Variants in CAMK2D observed in about 807,000 individuals in gnomAD.
CAMK2D encodes calcium/calmodulin-dependent protein kinase type II subunit delta.
In CAMK2D, 37 loss-of-function variants were observed where a neutral mutation model predicts 84.0. The observed-to-expected ratio is 0.44, with a 90% CI of 0.34 to 0.58. The LOEUF (loss-of-function observed/expected upper bound fraction) is 0.58. Among genes scored for constraint, CAMK2D ranks in the 20% least tolerant of loss-of-function variants. CAMK2D has a pLI of 0.02. For missense variants in CAMK2D, 448 were observed against 652.5 expected (o/e 0.69, Z 3.41); for synonymous variants, 202 against 212.5 (o/e 0.95, Z 0.43).
At chr4:113,646,374 A>G (rs145110225) in intron 3 of CAMK2D, among the ~76,000 whole-genome samples, 68 of 152,364 alleles carry the variant, frequency 4.5e-4, no homozygotes, top group African/African-American at 1.6e-3. Context: ...TTTACATACT[A>G]CTGGGTAGAA....
intron 3 of CAMK2D, among the ~76,000 whole-genome samples, chr4:113,623,394 A>T (rs1376536614): frequency 6.6e-6 from 1 of 152,102 alleles, no homozygotes; most frequent in African/African-American, 2.4e-5. Context: ...ACACACACAC[A>T]CACACACACC....
chr4:113,543,425 T>A (rs1411732842), intron 6 of CAMK2D, among the ~76,000 whole-genome samples: 1 of 151,426 alleles, frequency 6.6e-6, no homozygotes, highest in East Asian at 1.9e-4. Context: ...CTTGCTATGT[T>A]GCGCAGGCTG....
At chr4:113,662,289 T>C (rs2099236956) in intron 2 of CAMK2D, among the ~76,000 whole-genome samples, 1 of 152,214 alleles carries the variant, frequency 6.6e-6, no homozygotes, top group African/African-American at 2.4e-5. Context: ...CTCTTCCTAA[T>C]ATCAAAGATT....
At chr4:113,754,433 T>C (rs943436119) in intron 2 of CAMK2D, 15 of 948,040 alleles carry the variant, frequency 1.6e-5, no homozygotes, top group South Asian at 9.8e-5. Flanking sequence ...TCGTGATTAT[T>C]ACCATTAAAA....
chr4:113,491,461 A>T lies in CAMK2D; in HGVS notation c.1135+9002T>A, dbSNP rs1024751041. On this transcript the variant is annotated intron_variant, in intron 16 of 20. Transcript: ENST00000511664. ...GGATTACATTTATTGATTTGCGTAT[A>T]TTGAACCAGCCTTGCATCCCAGGGA... Among the ~76,000 whole-genome samples the T allele has an allele frequency of 3.7e-3, 567 of 151,364 alleles. 4 individuals are homozygous for T. The highest frequency in any genetic ancestry group is 0.013 in the African/African-American group (528 of 41,150).
At position 113,737,364 on chromosome 4, in the gene CAMK2D, T is replaced by C. The variant is rs2099583596; in HGVS notation, c.160+21956A>G. Among the ~76,000 whole-genome samples, 5 of 152,052 alleles carry C rather than the reference T, an allele frequency of 3.3e-5. No homozygotes were observed. The South Asian group carries it at 1.0e-3, about 32-fold the overall frequency. ...ACAATATGAAAAAACCTTGAAGATA[T>C]GCAAAGTAAAACAAGTCAGACAGAA... is the stretch of plus-strand genomic sequence containing the variant. On this transcript the variant is annotated intron_variant, in intron 2 of 20. Transcript: ENST00000511664.
At chr4:113,725,002 TA>T (rs2099541722) in intron 2 of CAMK2D, among the ~76,000 whole-genome samples, 2 of 152,052 alleles carry the variant, frequency 1.3e-5, no homozygotes. Flanking sequence ...CGCATTTAGC[TA>T]TAAAGATCGT....
chr4:113,675,085 A>C (rs935741317), intron 2 of CAMK2D, among the ~76,000 whole-genome samples: 1 of 152,176 alleles, frequency 6.6e-6, no homozygotes, highest in African/African-American at 2.4e-5. Flanking sequence ...TAGAAAAAGA[A>C]ACTCTTCTTT....
intron 2 of CAMK2D, among the ~76,000 whole-genome samples, chr4:113,749,370 G>A (rs969473543): frequency 2.1e-5 from 3 of 140,626 alleles, no homozygotes; most frequent in Non-Finnish European, 4.5e-5. Context: ...TTCCAATACA[G>A]AAACAAGTAC....
At chr4:113,698,779 A>G (rs2099410230) in intron 2 of CAMK2D, among the ~76,000 whole-genome samples, 1 of 152,112 alleles carries the variant, frequency 6.6e-6, no homozygotes, top group Non-Finnish European at 1.5e-5. Context: ...AACAGTTTAC[A>G]GAGTGTGATC....
At chr4:113,752,748 TATA>T (rs2099620195) in intron 2 of CAMK2D, among the ~76,000 whole-genome samples, 1 of 152,294 alleles carries the variant, frequency 6.6e-6, no homozygotes, top group East Asian at 1.9e-4. Flanking sequence ...CCTACCATTT[TATA>T]ATAACATTTT....
chr4:113,611,145 G>T (rs2098998751), intron 3 of CAMK2D, among the ~76,000 whole-genome samples: 1 of 151,938 alleles, frequency 6.6e-6, no homozygotes. Flanking sequence ...TGGTGTGAAA[G>T]GTATTCTTCA....
chr4:113,522,044 C>G (rs1425620701), intron 8 of CAMK2D, among the ~76,000 whole-genome samples: 1 of 150,488 alleles, frequency 6.6e-6, no homozygotes, highest in South Asian at 2.1e-4. Flanking sequence ...TAGAGATGTC[C>G]GGTTAATAAG....
chr4:113,595,975 G>C (rs1429279018), intron 4 of CAMK2D, among the ~76,000 whole-genome samples: 1 of 152,176 alleles, frequency 6.6e-6, no homozygotes, highest in Admixed American at 6.5e-5. Context: ...ATGTGATGCT[G>C]TTTGATAGCA....
intron 3 of CAMK2D, among the ~76,000 whole-genome samples, chr4:113,627,661 T>C (rs1373781156): frequency 6.6e-6 from 1 of 152,198 alleles, no homozygotes. Context: ...ACTGCAGCTT[T>C]ATATTTGGGG....
At chr4:113,487,335 A>G (rs1040714173) in intron 16 of CAMK2D, among the ~76,000 whole-genome samples, 1 of 152,140 alleles carries the variant, frequency 6.6e-6, no homozygotes, top group Admixed American at 6.5e-5. Context: ...TTACTCACAA[A>G]AAGAATCATG....
chr4:113,673,032 T>A (rs1480478487), intron 2 of CAMK2D, among the ~76,000 whole-genome samples: 3 of 152,140 alleles, frequency 2.0e-5, no homozygotes, highest in Non-Finnish European at 2.9e-5. Context: ...AGCCATTCTG[T>A]CATCATGAGC....
chr4:113,494,057 A>G (rs2154142281), intron 16 of CAMK2D, among the ~76,000 whole-genome samples: 1 of 152,118 alleles, frequency 6.6e-6, no homozygotes, highest in Middle Eastern at 3.4e-3. Flanking sequence ...AATTTTTTTC[A>G]AAGTTTTCAA....
intron 16 of CAMK2D, among the ~76,000 whole-genome samples, chr4:113,468,191 A>G (rs1239530134): frequency 6.6e-6 from 1 of 152,100 alleles, no homozygotes; most frequent in Non-Finnish European, 1.5e-5. Context: ...TACTTTCTGA[A>G]CCACTGTGGA....
Sources: allele counts gnomAD v4.1 joint callset (sites outside exome capture counted in the v4.1 genomes callset), GRCh38; gene constraint gnomAD v4.1.1; transcripts MANE v1.5; gene names NCBI Gene and HGNC (gene_info 2026-07-23, HGNC 2026-07-21).